Variants in CSMD1 observed in about 807,000 individuals in gnomAD.
CSMD1 encodes the protein CUB and Sushi multiple domains 1.
A neutral mutation model predicts 417.5 loss-of-function variants in CSMD1; 213 were observed. That is an observed-to-expected ratio of 0.51 (90% CI 0.46 to 0.57). CSMD1 has a LOEUF of 0.57. Ranked by LOEUF, CSMD1 falls within the 20% of genes least tolerant of loss-of-function variation. The pLI is 0.00. For synonymous variants in CSMD1, 2,862 were observed against 1,736.8 expected (o/e 1.65, Z -16.11); for missense variants, 6,923 against 4,529.7 (o/e 1.53, Z -15.17).
chr8:3,284,642 C>G, intron 25 of CSMD1: 2 of 354,342 alleles, frequency 5.6e-6, no homozygotes, highest in Non-Finnish European at 5.3e-6. Flanking sequence ...ACTTCCAGAT[C>G]TCTGTATAAT....
intron 11 of CSMD1, among the ~76,000 whole-genome samples, chr8:3,479,702 G>T (rs540560569): frequency 3.9e-5 from 6 of 152,038 alleles, no homozygotes; most frequent in African/African-American, 1.4e-4. Flanking sequence ...ACACACAAAA[G>T]AGCTGGGACA....
chr8:3,794,233 T>C (rs74690649), intron 5 of CSMD1, among the ~76,000 whole-genome samples: 2,383 of 152,308 alleles, frequency 0.016, 62 homozygotes, highest in African/African-American at 0.053. Flanking sequence ...GACAATCCTG[T>C]TCTACGCAGT....
intron 2 of CSMD1, among the ~76,000 whole-genome samples, chr8:4,525,407 T>A (rs941576857): frequency 6.6e-6 from 1 of 152,172 alleles, no homozygotes; most frequent in African/African-American, 2.4e-5. Flanking sequence ...CCAACTGTCA[T>A]TCCCAACAAT....
chr8:4,757,670 G>A (rs1254650668), intron 1 of CSMD1, among the ~76,000 whole-genome samples: 4 of 152,060 alleles, frequency 2.6e-5, no homozygotes, highest in Non-Finnish European at 5.9e-5. Flanking sequence ...TGTAAAAAGC[G>A]ACATTATGCT....
At chr8:4,653,295 G>A (rs1804024499) in intron 1 of CSMD1, among the ~76,000 whole-genome samples, 1 of 152,076 alleles carries the variant, frequency 6.6e-6, no homozygotes, top group Admixed American at 6.5e-5. Flanking sequence ...CTGAATTAAG[G>A]TGACGATCAC....
chr8:3,404,311 G>C (rs906122207), intron 15 of CSMD1, among the ~76,000 whole-genome samples: 1 of 146,606 alleles, frequency 6.8e-6, no homozygotes, highest in African/African-American at 2.5e-5. Context: ...CTCCAGCCTG[G>C]GTGACAGAGC....
chr8:3,670,658 G>A (rs1798954079), intron 7 of CSMD1, among the ~76,000 whole-genome samples: 1 of 135,084 alleles, frequency 7.4e-6, no homozygotes, highest in South Asian at 2.4e-4. Flanking sequence ...ATATATACAT[G>A]GGATATATGT....
At chr8:4,198,046 T>G (rs1403453163) in intron 3 of CSMD1, among the ~76,000 whole-genome samples, 1 of 152,246 alleles carries the variant, frequency 6.6e-6, no homozygotes, top group Admixed American at 6.5e-5. Flanking sequence ...TGAAGAAGTA[T>G]TTATGCTCAG....
chr8:4,366,360 T>G (rs1294820624), intron 3 of CSMD1, among the ~76,000 whole-genome samples: 3 of 152,206 alleles, frequency 2.0e-5, no homozygotes, highest in Non-Finnish European at 1.5e-5. Flanking sequence ...TTCCACGTGT[T>G]TACCATTGAG....
At chr8:4,711,333 T>C (rs1332889530) in intron 1 of CSMD1, among the ~76,000 whole-genome samples, 2 of 152,220 alleles carry the variant, frequency 1.3e-5, no homozygotes, top group East Asian at 3.9e-4. Context: ...TAAACCTTTG[T>C]TTTGACTATT....
intron 7 of CSMD1, among the ~76,000 whole-genome samples, chr8:3,650,028 C>A (rs946427253): frequency 6.6e-6 from 1 of 152,156 alleles, no homozygotes; most frequent in Non-Finnish European, 1.5e-5. Context: ...CCTGGAATCC[C>A]AGCACTTTGG....
chr8:4,432,809 C>G (rs1036280462), intron 2 of CSMD1, among the ~76,000 whole-genome samples: 1 of 152,140 alleles, frequency 6.6e-6, no homozygotes, highest in Non-Finnish European at 1.5e-5. Context: ...GATTAGAAAC[C>G]AACCAACAAT....
chr8:4,761,114 G>A (rs906863955), intron 1 of CSMD1, among the ~76,000 whole-genome samples: 1 of 151,962 alleles, frequency 6.6e-6, no homozygotes, highest in Non-Finnish European at 1.5e-5. Context: ...TGTATTCAGT[G>A]AATATGCAAA....
At chr8:4,589,838 T>C (rs1799895899) in intron 2 of CSMD1, among the ~76,000 whole-genome samples, 1 of 152,208 alleles carries the variant, frequency 6.6e-6, no homozygotes, top group South Asian at 2.1e-4. Context: ...GTTTCTGGAA[T>C]GCAGCGTATT....
intron 3 of CSMD1, among the ~76,000 whole-genome samples, chr8:4,099,354 G>C (rs1005225130): frequency 1.3e-5 from 2 of 151,962 alleles, no homozygotes; most frequent in Admixed American, 6.6e-5. Context: ...CATCTGTTCA[G>C]TCATAAAATC....
At position 3,107,766 on chromosome 8, in the gene CSMD1, C is replaced by G; in HGVS notation, c.6787G>C (p.Ala2263Pro). Residue 2263 changes from alanine to proline, a missense_variant, in exon 45 of 70, where the codon GCG becomes CCG. Transcript: ENST00000635120. ...GTAAGCATTTCTGCCTGTGGAACCGCTGGGGGAGGTTGACATTTCTTGAGC... is the reference window on the plus strand; with the variant it reads ...GTAAGCATTTCTGCCTGTGGAACCGGTGGGGGAGGTTGACATTTCTTGAGC... The part of the protein sequence containing the change: ...FQLKKCQPPP[A>P]VPQAEMLTED... 6.3e-7 allele frequency: 1 copy of G among 1,588,218 alleles called. No homozygotes were observed. The highest frequency in any genetic ancestry group is 8.5e-7 in the Non-Finnish European group (1 of 1,172,038).
At chr8:3,749,254 G>A (rs536194189) in intron 6 of CSMD1, among the ~76,000 whole-genome samples, 1 of 152,302 alleles carries the variant, frequency 6.6e-6, no homozygotes, top group East Asian at 1.9e-4. Flanking sequence ...AATGTGTCCT[G>A]CATAAATCTT....
chr8:3,439,612 G>C (rs1251596581), intron 12 of CSMD1, among the ~76,000 whole-genome samples: 1 of 151,306 alleles, frequency 6.6e-6, no homozygotes, highest in African/African-American at 2.4e-5. Context: ...ATCTTTTCAA[G>C]TTCTTTATAT....
intron 10 of CSMD1, among the ~76,000 whole-genome samples, chr8:3,550,234 A>G (rs970780950): frequency 6.6e-6 from 1 of 152,106 alleles, no homozygotes; most frequent in Non-Finnish European, 1.5e-5. Flanking sequence ...TTCCTTTAGA[A>G]TACATCCTAT....
Sources: allele counts gnomAD v4.1 joint callset (sites outside exome capture counted in the v4.1 genomes callset), GRCh38; gene constraint gnomAD v4.1.1; transcripts MANE v1.5; gene names NCBI Gene and HGNC (gene_info 2026-07-23, HGNC 2026-07-21).